The following VNN2 variants were observed in gnomAD, a reference collection of about 807,000 sequenced individuals.
VNN2 encodes pantetheine hydrolase VNN2.
VNN2 carries 43 observed loss-of-function variants against 43.0 expected under a neutral mutation model. The observed-to-expected ratio is 1.00, with a 90% CI of 0.78 to 1.29. The LOEUF is 1.29. VNN2 is among the 50% of genes most tolerant of loss of function. VNN2 has a pLI of 0.00. For synonymous variants in VNN2, 230 were observed against 224.3 expected (o/e 1.03, Z -0.23); for missense variants, 652 against 619.7 (o/e 1.05, Z -0.55).
intron 6 of VNN2, among the ~76,000 whole-genome samples, chr6:132,745,831 A>G (rs33944856): frequency 0.047 from 7,224 of 152,320 alleles, 256 homozygotes; most frequent in Non-Finnish European, 0.072. Context: ...GACAGTCAAT[A>G]AACAGAACAA....
intron 1 of VNN2, among the ~76,000 whole-genome samples, chr6:132,763,149 T>A (rs1562257390): frequency 6.6e-6 from 1 of 151,882 alleles, no homozygotes; most frequent in Non-Finnish European, 1.5e-5. Flanking sequence ...TCCAAGTCAC[T>A]CGTTGATTTA....
At chr6:132,753,124 GC>G in intron 3 of VNN2, 1 of 199,502 alleles carries the variant, frequency 5.0e-6, no homozygotes, top group South Asian at 7.6e-5. Flanking sequence ...TCGGCTCACT[GC>G]AATCTCCACC....
chr6:132,760,299 CT>C (rs1463124810), upstream of VNN2, among the ~76,000 whole-genome samples: 8 of 152,118 alleles, frequency 5.3e-5, no homozygotes, highest in Non-Finnish European at 1.0e-4. Context: ...CTCAGCCTCG[CT>C]AGTAGCTGGA....
intron 6 of VNN2, among the ~76,000 whole-genome samples, chr6:132,745,580 A>G (rs1779668373): frequency 6.6e-6 from 1 of 152,236 alleles, no homozygotes; most frequent in Non-Finnish European, 1.5e-5. Flanking sequence ...AAACTGGCAA[A>G]TTCCATAAGT....
At position 132,743,996 on chromosome 6, in the gene VNN2, A is replaced by T. The variant is rs35753298; in HGVS notation, c.*304T>A. Reference sequence around the variant, plus strand: ...CCTGAAACTCCTCACTCCCATACATACAAGTCCCCCATACACACAAAGTCT... The same window carrying T: ...CCTGAAACTCCTCACTCCCATACATTCAAGTCCCCCATACACACAAAGTCT... On this transcript the variant is annotated 3_prime_UTR_variant, in exon 7 of 7. Coordinates refer to ENST00000326499, the MANE Select transcript of VNN2 (RefSeq NM_004665.6). 4.9e-3 allele frequency: 1,026 copies of T among 211,222 alleles called. 13 individuals are homozygous for T. The highest frequency in any genetic ancestry group is 0.023 in the African/African-American group (971 of 42,938). 13.1% of individuals were successfully genotyped at this position (211,222 alleles called of 1,614,324 possible).
intron 6 of VNN2, among the ~76,000 whole-genome samples, chr6:132,748,208 C>A (rs533535182): frequency 3.3e-5 from 5 of 152,242 alleles, no homozygotes; most frequent in Admixed American, 3.3e-4. Flanking sequence ...TTATGTCAGT[C>A]CAGCCACCTT....
rs148574857 is a variant in VNN2 at position 132,749,796 on chromosome 6, T to C, written c.1270A>G (p.Thr424Ala). Residue 424 changes from threonine (T) to alanine (A), a missense_variant, in exon 6 of 7, where the codon ACA becomes GCA. By Grantham distance (58) the Thr-to-Ala change is moderately conservative (BLOSUM62 0). Coordinates refer to ENST00000326499, the MANE Select transcript of VNN2 (RefSeq NM_004665.6). ...TCGRPVETAS[T>A]RFEMFSLSGT... Reference sequence around the variant, plus strand: ...CTGAGGGAGAACATTTCAAATCTTGTAGAAGCAGTTTCTACTGGCCGTCCA... The same window carrying C: ...CTGAGGGAGAACATTTCAAATCTTGCAGAAGCAGTTTCTACTGGCCGTCCA... The C allele has an allele frequency of 6.2e-7, 1 of 1,614,140 alleles. No homozygotes were observed. The highest frequency in any genetic ancestry group is 1.3e-5 in the African/African-American group (1 of 75,048).
rs148148714 is a variant in VNN2, at chr6:132,755,509, G to A, written c.537+334C>T. The stretch of plus-strand genomic sequence containing the variant: ...CCTGCTTCAGCTCCCACATAGCTGG[G>A]ACTACAGGCATGTGCCATCACGCCC... On this transcript the variant is annotated intron_variant, in intron 3 of 6. Coordinates refer to ENST00000326499, the MANE Select transcript of VNN2 (RefSeq NM_004665.6). Among the ~76,000 whole-genome samples, 6 of 151,640 alleles carry A rather than the reference G, an allele frequency of 4.0e-5. No homozygotes were observed. The South Asian group carries it at 1.2e-3, about 32-fold the overall frequency.
At position 132,744,341 on chromosome 6, in the gene VNN2, A is replaced by C. The variant is rs1779593948; in HGVS notation, c.1522T>G (p.Leu508Val). Reference sequence around the variant, plus strand: ...TTTTGCAAAGCTATGATCATTAATAATATGAATATTAGCAGGTAAGTTATT... The same window carrying C: ...TTTTGCAAAGCTATGATCATTAATACTATGAATATTAGCAGGTAAGTTATT... ...SAITYLLIFI[L>V]LMIIALQNIV... is the part of the protein sequence containing the mutation. Residue 508 changes from leucine (L) to valine (V), a missense_variant, in exon 7 of 7, where the codon TTA becomes GTA. Leu to Val is a conservative substitution (Grantham distance 32). Coordinates refer to ENST00000326499, the MANE Select transcript of VNN2 (RefSeq NM_004665.6). 1 of 1,612,892 alleles carries C rather than the reference A, an allele frequency of 6.2e-7. No individual in the cohort carries two copies. Among genetic ancestry groups the C allele is most frequent in the Admixed American group, 1.7e-5 (1 of 59,678 alleles).
chr6:132,760,932 A>G (rs1340360931), upstream of VNN2: 1 of 152,216 alleles, frequency 6.6e-6, no homozygotes, highest in Non-Finnish European at 1.5e-5. Flanking sequence ...TATTTGAAGC[A>G]TCTAAAAATT....
upstream of VNN2, among the ~76,000 whole-genome samples, chr6:132,761,512 T>C (rs1260546194): frequency 6.6e-6 from 1 of 151,946 alleles, no homozygotes; most frequent in Non-Finnish European, 1.5e-5. Flanking sequence ...ATACAAAAAC[T>C]AGCTGGGCAT....
At chr6:132,745,772 G>A (rs1444675631) in intron 6 of VNN2, among the ~76,000 whole-genome samples, 1 of 152,160 alleles carries the variant, frequency 6.6e-6, no homozygotes, top group Non-Finnish European at 1.5e-5. Flanking sequence ...TTTCATAAGA[G>A]AGGAATATGT....
At chr6:132,749,389 G>C (rs140940953) in intron 6 of VNN2, among the ~76,000 whole-genome samples, 1 of 152,302 alleles carries the variant, frequency 6.6e-6, no homozygotes, top group Non-Finnish European at 1.5e-5. Flanking sequence ...AGACCACGGG[G>C]AGAGATGGCC....
chr6:132,755,043 G>A (rs1780368454), intron 3 of VNN2, among the ~76,000 whole-genome samples: 1 of 152,094 alleles, frequency 6.6e-6, no homozygotes, highest in South Asian at 2.1e-4. Flanking sequence ...GGTGGCACAT[G>A]CCTACAGTCT....
upstream of VNN2, among the ~76,000 whole-genome samples, chr6:132,762,772 T>G (rs536004038): frequency 7.2e-4 from 110 of 152,336 alleles, no homozygotes; most frequent in Middle Eastern, 6.8e-3. Flanking sequence ...CACTGCTAGA[T>G]GGAAATGCTT....
chr6:132,756,128 A>C, intron 2 of VNN2, 93 bp from the exon 3 acceptor site: 3 of 1,176,384 alleles, frequency 2.6e-6, no homozygotes, highest in Non-Finnish European at 3.5e-6. Context: ...ACTTAAGTGG[A>C]ACTTAAGTTA....
chr6:132,760,615 T>C (rs1163088581), upstream of VNN2: 1 of 151,834 alleles, frequency 6.6e-6, no homozygotes, highest in East Asian at 1.9e-4. Context: ...ATAAGTACAA[T>C]TTGGGCCATG....
chr6:132,753,642 G>A (rs1780272622), intron 3 of VNN2: 1 of 285,380 alleles, frequency 3.5e-6, no homozygotes, highest in South Asian at 3.1e-5. Flanking sequence ...AAAGAAATTG[G>A]GCTTTACTAC....
At chr6:132,759,354 G>T (rs147835664), upstream of VNN2, among the ~76,000 whole-genome samples, 414 of 148,508 alleles carry the variant, frequency 2.8e-3, 1 homozygote, top group Middle Eastern at 0.011. Context: ...CAGGAGAATC[G>T]CTGGAACCCA....
Sources: allele counts gnomAD v4.1 joint callset (sites outside exome capture counted in the v4.1 genomes callset), GRCh38; gene constraint gnomAD v4.1.1; transcripts MANE v1.5; gene names NCBI Gene and HGNC (gene_info 2026-07-23, HGNC 2026-07-21).